Variants in APP observed in about 807,000 individuals in gnomAD.
The protein encoded by APP is amyloid beta precursor protein.
A neutral mutation model predicts 101.4 loss-of-function variants in APP; 31 were observed. The observed-to-expected ratio is 0.31, with a 90% CI of 0.23 to 0.41. The LOEUF is 0.41. Ranked by LOEUF, APP falls within the 10% of genes least tolerant of loss-of-function variation. APP has a pLI of 1.00. For missense variants in APP, 839 were observed against 1,003.7 expected (o/e 0.84, Z 2.22); for synonymous variants, 366 against 364.4 (o/e 1.00, Z -0.05).
At chr21:26,083,001 G>A (rs1272775049) in intron 3 of APP, among the ~76,000 whole-genome samples, 3 of 152,136 alleles carry the variant, frequency 2.0e-5, no homozygotes, top group Admixed American at 2.0e-4. Flanking sequence ...ATGGCCTTAA[G>A]TAGAAATTAC....
intron 14 of APP, among the ~76,000 whole-genome samples, chr21:25,907,368 G>A (rs549602136): frequency 4.6e-5 from 7 of 151,756 alleles, no homozygotes; most frequent in South Asian, 2.1e-4. Context: ...TATCATTGCC[G>A]AAAAAAAAGA....
chr21:25,930,863 G>A (rs2040116893), intron 13 of APP, among the ~76,000 whole-genome samples: 1 of 152,152 alleles, frequency 6.6e-6, no homozygotes, highest in African/African-American at 2.4e-5. Flanking sequence ...AACAACGTGT[G>A]GGGAAACCAA....
chr21:26,163,383 C>T (rs1370272799), intron 1 of APP, among the ~76,000 whole-genome samples: 1 of 151,578 alleles, frequency 6.6e-6, no homozygotes, highest in Non-Finnish European at 1.5e-5. Context: ...GAGATTCAAA[C>T]ACTGTTTGGG....
chr21:26,135,327 C>T (rs2062873092), intron 1 of APP, among the ~76,000 whole-genome samples: 1 of 152,180 alleles, frequency 6.6e-6, no homozygotes. Context: ...GGGTTGAAAA[C>T]AGCCACATTA....
intron 1 of APP, among the ~76,000 whole-genome samples, chr21:26,150,513 C>G (rs2063244049): frequency 6.6e-6 from 1 of 152,194 alleles, no homozygotes; most frequent in Non-Finnish European, 1.5e-5. Flanking sequence ...CCCTTCCAGA[C>G]TGTGTCTCTA....
chr21:26,112,158 A>T lies in APP; in HGVS notation c.58-12T>A, dbSNP rs371244485. 4 of 1,613,406 alleles carry T rather than the reference A, an allele frequency of 2.5e-6. No homozygotes were observed. Among genetic ancestry groups the T allele is most frequent in the African/African-American group, 2.7e-5 (2 of 74,874 alleles). On this transcript the variant is annotated splice_polypyrimidine_tract_variant and intron_variant, in intron 1 of 17. Transcript: ENST00000346798. ...CCATCAGTGGGTACCTGAAAGAAGA[A>T]GCTTCAGTTAGTTATAGTATCCATA...
chr21:26,164,080 A>T (rs1261388038), intron 1 of APP, among the ~76,000 whole-genome samples: 3 of 152,072 alleles, frequency 2.0e-5, no homozygotes, highest in South Asian at 4.1e-4. Context: ...CCCCGTCTCT[A>T]CTAAAAATAT....
chr21:25,999,747 CA>C (rs2043206859), intron 7 of APP, among the ~76,000 whole-genome samples: 1 of 152,162 alleles, frequency 6.6e-6, no homozygotes, highest in African/African-American at 2.4e-5. Flanking sequence ...GAGAAGCACT[CA>C]AAAGTCCCTC....
intron 5 of APP, among the ~76,000 whole-genome samples, chr21:26,026,234 G>C (rs9983524): frequency 6.6e-6 from 1 of 152,176 alleles, no homozygotes; most frequent in African/African-American, 2.4e-5. Flanking sequence ...GCAGACTTTA[G>C]TGGCTATCAA....
chr21:26,130,801 C>A (rs2062778521), intron 1 of APP, among the ~76,000 whole-genome samples: 1 of 152,124 alleles, frequency 6.6e-6, no homozygotes, highest in Non-Finnish European at 1.5e-5. Flanking sequence ...TAGTAGTAGC[C>A]TTCCCTTCCT....
chr21:26,114,427 C>T (rs964800488), intron 1 of APP, among the ~76,000 whole-genome samples: 3 of 152,106 alleles, frequency 2.0e-5, no homozygotes, highest in African/African-American at 7.2e-5. Flanking sequence ...GTGTAACTTC[C>T]GAGCATGTAT....
intron 3 of APP, among the ~76,000 whole-genome samples, chr21:26,064,338 G>A (rs1480176357): frequency 2.0e-5 from 3 of 152,108 alleles, no homozygotes; most frequent in African/African-American, 7.2e-5. Context: ...AGGGAAAACT[G>A]GATGCAAAGC....
At chr21:26,045,609 CAAT>C (rs899857897) in intron 5 of APP, among the ~76,000 whole-genome samples, 1 of 151,980 alleles carries the variant, frequency 6.6e-6, no homozygotes, top group African/African-American at 2.4e-5. Context: ...AAATATGAAA[CAAT>C]AATAATATAA....
At chr21:26,064,684 A>C (rs985211048) in intron 3 of APP, among the ~76,000 whole-genome samples, 14 of 152,060 alleles carry the variant, frequency 9.2e-5, no homozygotes, top group African/African-American at 3.4e-4. Flanking sequence ...TCCCCCTAAC[A>C]ATCTCCACCT....
At chr21:25,987,421 A>G (rs966410415) in intron 8 of APP, among the ~76,000 whole-genome samples, 1 of 152,216 alleles carries the variant, frequency 6.6e-6, no homozygotes, top group Non-Finnish European at 1.5e-5. Flanking sequence ...ATTAGCAGCA[A>G]TACCAACATC....
intron 5 of APP, among the ~76,000 whole-genome samples, chr21:26,031,764 T>C (rs984600336): frequency 6.6e-6 from 1 of 152,190 alleles, no homozygotes; most frequent in African/African-American, 2.4e-5. Context: ...GATATTTGAA[T>C]GGAGACACAG....
At chr21:26,021,135 C>A (rs1372176360) in intron 6 of APP, among the ~76,000 whole-genome samples, 4 of 151,316 alleles carry the variant, frequency 2.6e-5, no homozygotes, top group African/African-American at 9.7e-5. Context: ...GCAACCTCCG[C>A]CTCCTGGGTT....
intron 3 of APP, among the ~76,000 whole-genome samples, chr21:26,068,492 C>G (rs1018831316): frequency 1.3e-5 from 2 of 151,940 alleles, no homozygotes; most frequent in African/African-American, 4.8e-5. Context: ...TCCAAGTAGC[C>G]GGGACTACCG....
At chr21:25,986,443 C>A (rs1022440353) in intron 8 of APP, among the ~76,000 whole-genome samples, 8 of 152,144 alleles carry the variant, frequency 5.3e-5, no homozygotes, top group African/African-American at 1.7e-4. Context: ...GGGTGGCTCA[C>A]ACCTGTAATC....
Sources: gnomAD v4.1 joint callset for allele counts (sites outside exome capture counted in the v4.1 genomes callset) on GRCh38, gnomAD v4.1.1 for gene constraint, MANE v1.5 for transcripts, NCBI Gene and HGNC (gene_info 2026-07-23, HGNC 2026-07-21) for gene names.